The following NR5A2 variants were observed in gnomAD, a reference collection of about 807,000 sequenced individuals.
NR5A2 encodes the protein nuclear receptor subfamily 5 group A member 2, also known as CYP7A promoter-binding factor.
NR5A2 carries 26 observed loss-of-function variants against 62.7 expected under a neutral mutation model. The ratio of observed to expected loss-of-function variants is 0.41; its 90% CI spans 0.30 to 0.58. The LOEUF (loss-of-function observed/expected upper bound fraction) is 0.58. Ranked by LOEUF, NR5A2 falls within the 20% of genes least tolerant of loss-of-function variation. NR5A2 has a pLI of 0.22. For synonymous variants in NR5A2, 246 were observed against 241.7 expected, an observed-to-expected ratio of 1.02 and a Z score of -0.16; for missense variants, 541 against 669.1, an observed-to-expected ratio of 0.81 and a Z score of 2.11.
chr1:200,111,630 G>A (rs921563422), intron 6 of NR5A2, among the ~76,000 whole-genome samples: 1 of 152,114 alleles, frequency 6.6e-6, no homozygotes, highest in Non-Finnish European at 1.5e-5. Flanking sequence ...CTTTTTCCTC[G>A]AGCTTCTGCT....
chr1:200,055,015 G>C (rs1216744690), intron 5 of NR5A2, among the ~76,000 whole-genome samples: 1 of 151,450 alleles, frequency 6.6e-6, no homozygotes, highest in African/African-American at 2.4e-5. Context: ...TCCCACTTTA[G>C]CTTCCCAAAT....
chr1:200,083,809 TACA>T (rs1345417757), intron 5 of NR5A2, among the ~76,000 whole-genome samples: 1 of 151,522 alleles, frequency 6.6e-6, no homozygotes, highest in African/African-American at 2.4e-5. Flanking sequence ...TCTACTAAAA[TACA>T]ACATTAGCCG....
In NR5A2 at chr1:200,174,919, G is replaced by A. The variant is rs1654351381; in HGVS notation, c.*709G>A. On this transcript the variant is annotated 3_prime_UTR_variant, in exon 8 of 8. Coordinates refer to ENST00000367362, the MANE Select transcript of NR5A2 (RefSeq NM_205860.3). ...GGTTGTTTTGTCTCGTGTTCATGAT[G>A]TTAAGAAAATGCAGGCAGTATCCCT... 1 of 152,642 alleles carries A rather than the reference G, an allele frequency of 6.6e-6. No individual in the cohort carries two copies. The highest frequency in any genetic ancestry group is 1.5e-5 in the Non-Finnish European group (1 of 68,040). The allele number at this position is 152,642 out of a possible 1,614,324, so 9.5% of individuals were successfully genotyped here.
At chr1:200,111,568 C>T (rs556775984) in intron 6 of NR5A2, among the ~76,000 whole-genome samples, 8 of 152,268 alleles carry the variant, frequency 5.3e-5, no homozygotes, top group African/African-American at 1.9e-4. Context: ...GTCCTGCTTA[C>T]AAGGGTCCGA....
chr1:200,120,072 G>A (rs1666414466), intron 6 of NR5A2, among the ~76,000 whole-genome samples: 1 of 152,028 alleles, frequency 6.6e-6, no homozygotes, highest in East Asian at 1.9e-4. Flanking sequence ...TTTATGTCAT[G>A]CTTTTTAGGA....
chr1:200,079,655 G>A (rs1220201567), intron 5 of NR5A2, among the ~76,000 whole-genome samples: 2 of 152,190 alleles, frequency 1.3e-5, no homozygotes, highest in African/African-American at 4.8e-5. Context: ...TATGGCGTGT[G>A]AGTTTTCCTT....
Position 200,048,464 on chromosome 1 carries a change from C to T in NR5A2, c.756C>T (p.His252=), listed in dbSNP as rs370987975. The T allele has an allele frequency of 1.1e-5, 18 of 1,614,080 alleles. No homozygotes were observed. The highest frequency in any genetic ancestry group is 4.4e-5 in the South Asian group (4 of 91,090). Residue 252 remains histidine, a synonymous_variant, in exon 5 of 8, where the codon CAC becomes CAT. Transcript: ENST00000367362. This position sits in a 1 kb window ranked among gnomAD's most constrained non-coding sequence, Gnocchi z 4.8. ...TSPISMTMPP[H]GSLQGYQTYG... ...CCATTAGCATGACAATGCCCCCTCA[C>T]GGCAGCCTGCAAGGTTACCAAACAT...
intron 2 of NR5A2, among the ~76,000 whole-genome samples, chr1:200,041,218 A>G (rs74549703): frequency 0.057 from 8,652 of 152,150 alleles, 774 homozygotes; most frequent in African/African-American, 0.19. Context: ...GAAGCCAAAG[A>G]CTTATTTTGA....
chr1:200,096,379 T>C (rs1449739638), intron 5 of NR5A2, among the ~76,000 whole-genome samples: 1 of 152,176 alleles, frequency 6.6e-6, no homozygotes, highest in African/African-American at 2.4e-5. Context: ...TGAGCCACTG[T>C]GCCTGGCCTG....
rs774630894 is a variant in NR5A2 at position 200,048,671 on chromosome 1, A to G, written c.963A>G (p.Lys321=). The change falls in exon 5 of 8, where the codon AAA becomes AAG. Residue 321 remains lysine, a synonymous_variant. Transcript: ENST00000367362. The surrounding 1 kb of genome is among the most constrained non-coding windows in gnomAD (Gnocchi z 4.8). The part of the protein sequence containing the change: ...CEPDEPQVQA[K]IMAYLQQEQA... Reference sequence around the variant, plus strand: ...CAGATGAGCCTCAAGTCCAGGCTAAAATCATGGCCTATTTGCAGCAAGAGC... The same window carrying G: ...CAGATGAGCCTCAAGTCCAGGCTAAGATCATGGCCTATTTGCAGCAAGAGC... The G allele has an allele frequency of 1.5e-5, 24 of 1,614,128 alleles. No homozygotes were observed. Among genetic ancestry groups the G allele is most frequent in the Non-Finnish European group, 1.8e-5 (21 of 1,180,050 alleles).
chr1:200,128,014 C>T (rs1280839733), intron 7 of NR5A2, among the ~76,000 whole-genome samples: 1 of 151,834 alleles, frequency 6.6e-6, no homozygotes, highest in Non-Finnish European at 1.5e-5. Context: ...AAATACTTCA[C>T]CTGAATTTCC....
intron 6 of NR5A2, among the ~76,000 whole-genome samples, chr1:200,116,345 A>G (rs992087717): frequency 6.6e-6 from 1 of 152,234 alleles, no homozygotes; most frequent in African/African-American, 2.4e-5. Context: ...TTGTCATAGC[A>G]GAGAAAAAAG....
At chr1:200,085,673 A>AAAG (rs1558128754) in intron 5 of NR5A2, among the ~76,000 whole-genome samples, 1 of 114,260 alleles carries the variant, frequency 8.8e-6, no homozygotes, top group African/African-American at 3.3e-5. Flanking sequence ...AAAAAAAAAA[A>AAAG]AAAAGAAAAG....
chr1:200,072,111 G>A lies in NR5A2; in HGVS notation c.1110+23293G>A, dbSNP rs1480438551. ...AGGGCCTAACTCATTTATATAAATC[G>A]AGGTAAAGGAATACCAGGAGTAAAT... is the stretch of plus-strand genomic sequence containing the variant. On this transcript the variant is annotated intron_variant, in intron 5 of 7. Coordinates refer to ENST00000367362, the MANE Select transcript of NR5A2 (RefSeq NM_205860.3). Among the ~76,000 whole-genome samples the A allele has an allele frequency of 5.3e-5, 8 of 152,134 alleles. No individual in the cohort carries two copies. In the East Asian group the frequency reaches 1.2e-3, roughly 22 times the overall value.
intron 2 of NR5A2, chr1:200,043,095 T>TTTCTTTTTCC (rs1662195360): frequency 1.3e-6 from 1 of 747,178 alleles, no homozygotes; most frequent in Non-Finnish European, 1.6e-6. Context: ...CGTCCTCTAT[T>TTTCTTTTTCC]TTCTTTTTCC....
At chr1:200,133,570 TATAC>T (rs1667078864) in intron 7 of NR5A2, among the ~76,000 whole-genome samples, 1 of 139,328 alleles carries the variant, frequency 7.2e-6, no homozygotes, top group African/African-American at 2.7e-5. Context: ...CACATATATA[TATAC>T]ACATATATAT....
At chr1:200,170,643 G>C (rs543876346) in intron 7 of NR5A2, among the ~76,000 whole-genome samples, 10 of 152,312 alleles carry the variant, frequency 6.6e-5, no homozygotes, top group African/African-American at 1.9e-4. Flanking sequence ...CCAGTCCGCA[G>C]CATCCCAGGG....
At chr1:200,047,014 A>C (rs1571710229) in intron 4 of NR5A2, among the ~76,000 whole-genome samples, 1 of 152,192 alleles carries the variant, frequency 6.6e-6, no homozygotes, top group African/African-American at 2.4e-5. Context: ...AATATTCTGT[A>C]TACTTAGAAT....
chr1:200,064,647 T>C (rs955114535), intron 5 of NR5A2, among the ~76,000 whole-genome samples: 4 of 152,178 alleles, frequency 2.6e-5, no homozygotes, highest in African/African-American at 9.7e-5. Flanking sequence ...CCAGAAGGAT[T>C]GAAAATGTAC....
Sources: allele counts gnomAD v4.1 joint callset (sites outside exome capture counted in the v4.1 genomes callset), GRCh38; gene constraint gnomAD v4.1.1; non-coding constraint Gnocchi (gnomAD v3.1); transcripts MANE v1.5; gene names NCBI Gene and HGNC (gene_info 2026-07-23, HGNC 2026-07-21).